Variants in CWC27 observed in about 807,000 individuals in gnomAD.
CWC27 encodes the protein CWC27 spliceosome associated cyclophilin.
Under a neutral mutation model 63.6 loss-of-function variants are expected in CWC27, and 47 were observed. The observed-to-expected ratio is 0.74, with a 90% CI of 0.58 to 0.94. The LOEUF (loss-of-function observed/expected upper bound fraction) is 0.94, where lower values mean the gene tolerates loss of function less well. CWC27 is among the 40% of genes least tolerant of loss of function. The pLI, the probability that CWC27 is intolerant of heterozygous loss-of-function variation, is 0.00. For synonymous variants in CWC27, 175 were observed against 179.8 expected (o/e 0.97, Z 0.22); for missense variants, 495 against 554.3 (o/e 0.89, Z 1.07).
intron 11 of CWC27, among the ~76,000 whole-genome samples, chr5:64,891,634 G>A (rs1351551009): frequency 2.6e-5 from 4 of 152,030 alleles, no homozygotes; most frequent in Non-Finnish European, 5.9e-5. Context: ...ATCTTGTTGA[G>A]CTTTACTTTG....
At chr5:64,982,617 A>G (rs1749349170) in intron 13 of CWC27, among the ~76,000 whole-genome samples, 1 of 151,828 alleles carries the variant, frequency 6.6e-6, no homozygotes, top group African/African-American at 2.4e-5. Context: ...TTTCCCCTTC[A>G]TTCCAACAGG....
chr5:64,780,339 C>T lies in CWC27; in HGVS notation c.140-1582C>T, dbSNP rs1011483110. ...TTTGAATTGTTTACACCTGTTGGCT[C>T]TTGTGAATAGTGCTGCTATGAACAT... On this transcript the variant is annotated intron_variant, in intron 2 of 13. Coordinates refer to ENST00000381070, the MANE Select transcript of CWC27 (RefSeq NM_005869.4). 3.2e-4 allele frequency among the ~76,000 whole-genome samples: 48 copies of T among 147,802 alleles called. 1 individual carries two copies. Among genetic ancestry groups the T allele is most frequent in the Admixed American group, 1.3e-3 (19 of 14,736 alleles).
chr5:64,890,549 AT>A (rs547460761), intron 11 of CWC27, among the ~76,000 whole-genome samples: 108 of 149,456 alleles, frequency 7.2e-4, no homozygotes, highest in African/African-American at 2.5e-3. Context: ...CTGTTGAGTT[AT>A]TTTTTTTTTC....
chr5:64,949,238 A>G (rs2112423354), intron 11 of CWC27, among the ~76,000 whole-genome samples: 1 of 152,128 alleles, frequency 6.6e-6, no homozygotes, highest in Non-Finnish European at 1.5e-5. Flanking sequence ...AACATTTATC[A>G]TGTGTTAATG....
chr5:64,943,618 G>C (rs983244162), intron 11 of CWC27, among the ~76,000 whole-genome samples: 1 of 151,914 alleles, frequency 6.6e-6, no homozygotes, highest in African/African-American at 2.4e-5. Flanking sequence ...GGACATTTTG[G>C]ATACATCAGG....
intron 10 of CWC27, among the ~76,000 whole-genome samples, chr5:64,862,671 TC>T (rs1390333747): frequency 1.3e-5 from 2 of 152,330 alleles, no homozygotes; most frequent in African/African-American, 4.8e-5. Context: ...TATGTCCAGA[TC>T]CAGTCAAGGT....
intron 13 of CWC27, among the ~76,000 whole-genome samples, chr5:65,000,581 G>T (rs1362523636): frequency 6.6e-6 from 1 of 152,006 alleles, no homozygotes; most frequent in African/African-American, 2.4e-5. Flanking sequence ...ATTGAAGAGG[G>T]TGTCTTTTTC....
In CWC27 at chr5:64,940,512, C is replaced by T. The variant is rs1748452677; in HGVS notation, c.1043-31191C>T. ...TGGAAATGCAGAAATCACCCGCCTT[C>T]TGCATTGATCTTGCTGGGAGCTGCA... On this transcript the variant is annotated intron_variant, in intron 11 of 13. Coordinates refer to ENST00000381070, the MANE Select transcript of CWC27 (RefSeq NM_005869.4). Among the ~76,000 whole-genome samples the T allele has an allele frequency of 2.6e-5, 4 of 152,200 alleles. No individual in the cohort carries two copies. The South Asian group carries it at 8.3e-4, about 32-fold the overall frequency.
At chr5:64,967,066 A>G (rs1749029316) in intron 11 of CWC27, among the ~76,000 whole-genome samples, 2 of 152,020 alleles carry the variant, frequency 1.3e-5, no homozygotes, top group South Asian at 4.1e-4. Flanking sequence ...CCATTCTATG[A>G]AAACTGCTTA....
chr5:64,854,957 T>C (rs917156264), intron 10 of CWC27, among the ~76,000 whole-genome samples: 1 of 152,042 alleles, frequency 6.6e-6, no homozygotes, highest in African/African-American at 2.4e-5. Context: ...AGATTTATCG[T>C]CAAAAAAAAA....
At chr5:64,936,583 G>A (rs981778467) in intron 11 of CWC27, among the ~76,000 whole-genome samples, 1 of 151,752 alleles carries the variant, frequency 6.6e-6, no homozygotes, top group African/African-American at 2.4e-5. Context: ...TGTCTCTGCA[G>A]GTTTTGGTAT....
chr5:64,960,902 T>G (rs1436941287), intron 11 of CWC27, among the ~76,000 whole-genome samples: 1 of 149,690 alleles, frequency 6.7e-6, no homozygotes, highest in Non-Finnish European at 1.5e-5. Context: ...CCTGCACCAC[T>G]ACACCCAGCT....
At chr5:64,788,304 G>A (rs1448127614) in intron 6 of CWC27, among the ~76,000 whole-genome samples, 1 of 150,808 alleles carries the variant, frequency 6.6e-6, no homozygotes, top group Admixed American at 6.6e-5. Flanking sequence ...GTCGTTGCTT[G>A]CTTCTAGGCT....
At chr5:64,945,309 G>T (rs776153185) in intron 11 of CWC27, among the ~76,000 whole-genome samples, 7 of 151,996 alleles carry the variant, frequency 4.6e-5, no homozygotes, top group Non-Finnish European at 1.0e-4. Context: ...TAAAATTTTT[G>T]TCCGTTTTCT....
chr5:64,905,528 A>G (rs891472222), intron 11 of CWC27, among the ~76,000 whole-genome samples: 6 of 152,218 alleles, frequency 3.9e-5, no homozygotes, highest in African/African-American at 1.4e-4. Flanking sequence ...GAATGAAAAG[A>G]ACAAAAGAAA....
At chr5:64,804,465 A>C in intron 10 of CWC27, 79 bp downstream of exon 10, 1 of 1,335,152 alleles carries the variant, frequency 7.5e-7, no homozygotes, top group African/African-American at 1.5e-5. Context: ...TCCTCTCTTC[A>C]GCTAATTTTT....
chr5:64,838,359 A>G (rs1745712962), intron 10 of CWC27, among the ~76,000 whole-genome samples: 1 of 152,178 alleles, frequency 6.6e-6, no homozygotes, highest in African/African-American at 2.4e-5. Flanking sequence ...AATAGAGATA[A>G]ACAGCTGCTA....
In CWC27 at chr5:64,920,232, G is replaced by A. The variant is rs183123207; in HGVS notation, c.1042+34686G>A. Among the ~76,000 whole-genome samples, 656 of 152,192 alleles carry A rather than the reference G, an allele frequency of 4.3e-3. 3 individuals carry two copies. Among genetic ancestry groups the A allele is most frequent in the African/African-American group, 0.014 (576 of 41,528 alleles). ...AATCCTTCTGCCACGGCCTCCCAAA[G>A]TGCTGGGATTACAGGTGTGAGCCAC... On this transcript the variant is annotated intron_variant, in intron 11 of 13. Transcript: ENST00000381070.
chr5:64,903,443 A>G (rs563670712), intron 11 of CWC27, among the ~76,000 whole-genome samples: 122 of 152,024 alleles, frequency 8.0e-4, no homozygotes, highest in Non-Finnish European at 1.3e-3. Context: ...ACCAAACGCT[A>G]CATGTTCTCA....
Sources: allele counts gnomAD v4.1 joint callset (sites outside exome capture counted in the v4.1 genomes callset), GRCh38; gene constraint gnomAD v4.1.1; transcripts MANE v1.5; gene names NCBI Gene and HGNC (gene_info 2026-07-23, HGNC 2026-07-21).